Variants in DYSF observed in about 807,000 individuals in gnomAD.
DYSF encodes the protein dystrophy-associated fer-1-like 1.
Under a neutral mutation model 274.9 loss-of-function variants are expected in DYSF, and 212 were observed. The ratio of observed to expected loss-of-function variants is 0.77; its 90% CI spans 0.69 to 0.86. The LOEUF (loss-of-function observed/expected upper bound fraction) is 0.86. DYSF is among the 40% of genes least tolerant of loss of function. The pLI is 0.00. For synonymous variants in DYSF, 1,091 were observed against 1,078.7 expected, an observed-to-expected ratio of 1.01 and a Z score of -0.22; for missense variants, 2,666 against 2,783.2, an observed-to-expected ratio of 0.96 and a Z score of 0.95.
chr2:71,618,426 AGAGGT>A (rs2093985213), intron 40 of DYSF, among the ~76,000 whole-genome samples: 1 of 94,748 alleles, frequency 1.1e-5, no homozygotes, highest in Non-Finnish European at 2.0e-5. Context: ...TGTGTGTGGT[AGAGGT>A]GGGGTGTGTG....
At chr2:71,548,245 C>T (rs1360410795) in intron 17 of DYSF, among the ~76,000 whole-genome samples, 1 of 152,164 alleles carries the variant, frequency 6.6e-6, no homozygotes, top group Non-Finnish European at 1.5e-5. Flanking sequence ...TGGATGGCCA[C>T]GCTCCCTTCT....
At position 71,598,644 on chromosome 2, in the gene DYSF, C is replaced by A. The variant is rs1380642629; in HGVS notation, c.3655C>A (p.Gln1219Lys). 6.2e-7 allele frequency: 1 copy of A among 1,614,082 alleles called. No homozygotes were observed. Among genetic ancestry groups the A allele is most frequent in the African/African-American group, 1.3e-5 (1 of 74,932 alleles). The change falls in exon 33 of 56, where the codon CAG becomes AAG. Residue 1219 changes from glutamine to lysine, a missense_variant. Gln to Lys is a moderately conservative substitution (Grantham distance 53). Coordinates refer to ENST00000410020, the MANE Select transcript of DYSF (RefSeq NM_001130987.2). ...VKNTLNPTWD[Q>K]TLIFYEIEIF... is the part of the protein sequence containing the mutation. ...GAACACCCTTAACCCCACCTGGGACCAGACGCTCATCTTCTACGAGATCGA... is the reference window on the plus strand; with the variant it reads ...GAACACCCTTAACCCCACCTGGGACAAGACGCTCATCTTCTACGAGATCGA...
chr2:71,484,344 T>C (rs1015034027), intron 3 of DYSF, among the ~76,000 whole-genome samples: 2 of 152,142 alleles, frequency 1.3e-5, no homozygotes, highest in African/African-American at 4.8e-5. Context: ...TGAGCCACCA[T>C]GCCTGGCCAG....
intron 19 of DYSF, among the ~76,000 whole-genome samples, chr2:71,552,796 C>T (rs2091041980): frequency 6.6e-6 from 1 of 152,208 alleles, no homozygotes. Context: ...ATTAGGGAAA[C>T]GTGGCCAGAC....
intron 17 of DYSF, among the ~76,000 whole-genome samples, chr2:71,540,470 A>T (rs575796027): frequency 1.3e-5 from 2 of 152,288 alleles, no homozygotes; most frequent in East Asian, 3.9e-4. Flanking sequence ...AAAAGGCTGG[A>T]CTACTTTATG....
intron 8 of DYSF, 85 bp downstream of exon 8, chr2:71,515,836 A>G: frequency 1.3e-6 from 2 of 1,591,454 alleles, no homozygotes; most frequent in Non-Finnish European, 1.7e-6. Flanking sequence ...AATTCATTCA[A>G]GAGTGTTTAC....
chr2:71,531,623 T>G (rs941403257), intron 14 of DYSF, among the ~76,000 whole-genome samples: 3 of 151,746 alleles, frequency 2.0e-5, no homozygotes, highest in Non-Finnish European at 4.4e-5. Context: ...TGTGTGTCCT[T>G]TGATATGTGT....
intron 30 of DYSF, among the ~76,000 whole-genome samples, chr2:71,582,493 T>A (rs78397773): frequency 0.029 from 4,354 of 152,220 alleles, 89 homozygotes; most frequent in Non-Finnish European, 0.044. Context: ...GTGAAAAATT[T>A]TATGGATAAT....
chr2:71,480,815 G>T, intron 1 of DYSF, 68 bp from the exon 2 acceptor site: 1 of 1,448,582 alleles, frequency 6.9e-7, no homozygotes, highest in Non-Finnish European at 9.7e-7. Context: ...CTCAGAAGCT[G>T]AGCCTAACTC....
At chr2:71,455,328 T>C (rs1293091152) in intron 1 of DYSF, among the ~76,000 whole-genome samples, 1 of 152,144 alleles carries the variant, frequency 6.6e-6, no homozygotes, top group Non-Finnish European at 1.5e-5. Context: ...GAGCAGAGCT[T>C]GAGGAGGAGT....
chr2:71,651,883 T>A (rs1281518620), intron 42 of DYSF, among the ~76,000 whole-genome samples: 2 of 152,208 alleles, frequency 1.3e-5, no homozygotes, highest in Non-Finnish European at 2.9e-5. Context: ...TATCAGTAGG[T>A]AACATTAACA....
Position 71,553,120 on chromosome 2 carries a change from G to A in DYSF, c.1916G>A (p.Gly639Glu). The A allele has an allele frequency of 6.2e-7, 1 of 1,614,144 alleles. No homozygotes were observed. The highest frequency in any genetic ancestry group is 8.5e-7 in the Non-Finnish European group (1 of 1,180,028). The change falls in exon 20 of 56, where the codon GGG becomes GAG. Residue 639 changes from glycine to glutamate, a missense_variant. This residue lies in a region of DYSF where 412 missense variants were observed against 504.0 expected (regional missense o/e 0.82). Transcript: ENST00000410020. ...TTTGAGGTCAGCATCGGGAACTACG[G>A]GAACAAGTTCGACATGACCTGCCTG... ...IQFEVSIGNY[G>E]NKFDMTCLPL...
chr2:71,568,444 C>T (rs1193611229), intron 26 of DYSF, 106 bp downstream of exon 26: 4 of 1,444,484 alleles, frequency 2.8e-6, no homozygotes, highest in African/African-American at 2.8e-5. Context: ...CCTCTGCTTG[C>T]TCCTGCGCTG....
chr2:71,573,739 G>T (rs1427612923), intron 29 of DYSF, among the ~76,000 whole-genome samples: 2 of 152,318 alleles, frequency 1.3e-5, no homozygotes, highest in East Asian at 3.9e-4. Context: ...CACTGCGTCA[G>T]CCTACCTTCC....
chr2:71,660,787 T>C, intron 45 of DYSF, 136 bp downstream of exon 45: 1 of 757,338 alleles, frequency 1.3e-6, no homozygotes, highest in Non-Finnish European at 2.3e-6. Flanking sequence ...CTTGCATGTC[T>C]ATGGGGGCAT....
chr2:71,613,369 C>T lies in DYSF; in HGVS notation c.4423C>T (p.Leu1475Phe), dbSNP rs367709130. ...VSLLSPGEDVLIDIDDKEPLI... is the reference protein window; with the variant it reads ...VSLLSPGEDVFIDIDDKEPLI... ...CCTACTCAGTCCTGGGGAAGACGTGCTCATCGACATTGATGACAAGGAGCC... is the reference window on the plus strand; with the variant it reads ...CCTACTCAGTCCTGGGGAAGACGTGTTCATCGACATTGATGACAAGGAGCC... Residue 1475 changes from leucine to phenylalanine, a missense_variant, in exon 40 of 56, where the codon CTC becomes TTC. Transcript: ENST00000410020. 8.4e-5 allele frequency: 135 copies of T among 1,613,548 alleles called. 1 individual carries two copies. Among genetic ancestry groups the T allele is most frequent in the Non-Finnish European group, 1.1e-4 (129 of 1,179,874 alleles).
intron 21 of DYSF, among the ~76,000 whole-genome samples, chr2:71,555,151 G>A (rs2091250067): frequency 6.6e-6 from 1 of 152,176 alleles, no homozygotes; most frequent in Non-Finnish European, 1.5e-5. Flanking sequence ...GGGGAAAGAG[G>A]AGACCAGCGA....
chr2:71,470,555 T>C (rs111411390), intron 1 of DYSF, among the ~76,000 whole-genome samples: 2,435 of 150,628 alleles, frequency 0.016, 54 homozygotes, highest in African/African-American at 0.053. Context: ...GTGCCTGTAG[T>C]CCCAGCTACT....
chr2:71,525,790 A>G lies in DYSF; in HGVS notation c.1150-430A>G, dbSNP rs543308642. On this transcript the variant is annotated intron_variant, in intron 12 of 55. Coordinates refer to ENST00000410020, the MANE Select transcript of DYSF (RefSeq NM_001130987.2). ...CATATCCCCTGCCCTTCAGCACCATACAGACACCTAGTACTCACTCAGTAG... is the reference window on the plus strand; with the variant it reads ...CATATCCCCTGCCCTTCAGCACCATGCAGACACCTAGTACTCACTCAGTAG... Among the ~76,000 whole-genome samples, 113 of 152,298 alleles carry G rather than the reference A, an allele frequency of 7.4e-4. 1 individual carries two copies. Among genetic ancestry groups the G allele is most frequent in the African/African-American group, 2.3e-3 (95 of 41,570 alleles).
Sources: allele counts gnomAD v4.1 joint callset (sites outside exome capture counted in the v4.1 genomes callset), GRCh38; gene constraint gnomAD v4.1.1; regional missense constraint gnomAD v4.1.1; transcripts MANE v1.5; gene names NCBI Gene and HGNC (gene_info 2026-07-23, HGNC 2026-07-21).